FOXP1: variants seen among roughly 807,000 people sequenced by gnomAD.
The protein encoded by FOXP1 is forkhead box protein P1.
In FOXP1, 15 loss-of-function variants were observed where a neutral mutation model predicts 98.2. The ratio of observed to expected loss-of-function variants is 0.15; its 90% confidence interval spans 0.10 to 0.24. The LOEUF (loss-of-function observed/expected upper bound fraction) is 0.24, where lower values mean the gene tolerates loss of function less well. Ranked by LOEUF, FOXP1 falls within the 10% of genes least tolerant of loss-of-function variation. FOXP1 has a pLI of 1.00. For synonymous variants in FOXP1, 371 were observed against 314.5 expected (o/e 1.18, Z -1.90); for missense variants, 633 against 848.5 (o/e 0.75, Z 3.15).
intron 6 of FOXP1, among the ~76,000 whole-genome samples, chr3:71,170,047 C>T (rs2061573875): frequency 1.3e-5 from 2 of 152,082 alleles, no homozygotes; most frequent in Non-Finnish European, 2.9e-5. Flanking sequence ...GGAGCTACTC[C>T]AGATAATTAA....
chr3:71,218,704 T>C (rs1180643145), intron 5 of FOXP1, among the ~76,000 whole-genome samples: 1 of 152,198 alleles, frequency 6.6e-6, no homozygotes, highest in Admixed American at 6.5e-5. Flanking sequence ...CAAACGGGTG[T>C]GGCTGTTTTC....
chr3:71,010,633 A>G (rs558391943), intron 12 of FOXP1, among the ~76,000 whole-genome samples: 1 of 152,290 alleles, frequency 6.6e-6, no homozygotes, highest in South Asian at 2.1e-4. Flanking sequence ...AAGAATACCA[A>G]GGAGAATTCA....
chr3:71,211,220 T>C (rs1480948011), intron 5 of FOXP1, among the ~76,000 whole-genome samples: 1 of 152,184 alleles, frequency 6.6e-6, no homozygotes, highest in Non-Finnish European at 1.5e-5. Context: ...CCATTTTTAT[T>C]TTTGAGATGG....
At chr3:71,167,968 C>A (rs1476705405) in intron 6 of FOXP1, among the ~76,000 whole-genome samples, 3 of 152,118 alleles carry the variant, frequency 2.0e-5, no homozygotes, top group Non-Finnish European at 2.9e-5. Flanking sequence ...CAAACTGAGC[C>A]AGTAAACAGC....
chr3:71,397,036 GTATA>G (rs1157240943), intron 3 of FOXP1, among the ~76,000 whole-genome samples: 1 of 39,176 alleles, frequency 2.6e-5, no homozygotes. Flanking sequence ...ATATATATGT[GTATA>G]TATATATACA....
chr3:70,960,304 C>T (rs1432248326), intron 20 of FOXP1, among the ~76,000 whole-genome samples: 5 of 152,200 alleles, frequency 3.3e-5, no homozygotes, highest in East Asian at 3.9e-4. Context: ...AGAATAATAA[C>T]GCTGTCAGCT....
chr3:71,095,628 A>T (rs2056384509), intron 7 of FOXP1, among the ~76,000 whole-genome samples: 1 of 152,128 alleles, frequency 6.6e-6, no homozygotes, highest in Non-Finnish European at 1.5e-5. Flanking sequence ...CATTTTAAAT[A>T]ACATTTAGGC....
intron 11 of FOXP1, among the ~76,000 whole-genome samples, chr3:71,038,309 G>T (rs140768368): frequency 6.6e-6 from 1 of 152,318 alleles, no homozygotes; most frequent in East Asian, 1.9e-4. Flanking sequence ...GCTAACCCAC[G>T]ATCAAGGTCA....
chr3:71,476,449 G>A (rs2089851998), intron 3 of FOXP1, among the ~76,000 whole-genome samples: 1 of 151,950 alleles, frequency 6.6e-6, no homozygotes, highest in African/African-American at 2.4e-5. Context: ...ATGGAGAGGT[G>A]GTGTGCAGTT....
chr3:71,329,074 G>A (rs1229892608), intron 4 of FOXP1, among the ~76,000 whole-genome samples: 1 of 149,848 alleles, frequency 6.7e-6, no homozygotes, highest in African/African-American at 2.5e-5. Flanking sequence ...TGGCTTGGTT[G>A]CCCAGCCCTG....
At chr3:71,432,868 TA>T (rs1047638258) in intron 3 of FOXP1, among the ~76,000 whole-genome samples, 5 of 139,054 alleles carry the variant, frequency 3.6e-5, no homozygotes, top group African/African-American at 1.1e-4. Context: ...AAAAAAAAAT[TA>T]AAAAAAAAAG....
chr3:71,052,301 C>T (rs2050004073), intron 9 of FOXP1, among the ~76,000 whole-genome samples: 1 of 152,136 alleles, frequency 6.6e-6, no homozygotes, highest in Non-Finnish European at 1.5e-5. Flanking sequence ...TCAACGATGC[C>T]TCTCCTGCTC....
At position 71,388,493 on chromosome 3, in the gene FOXP1, A is replaced by G. The variant is rs9863727; in HGVS notation, c.-167-29249T>C. On this transcript the variant is annotated intron_variant, in intron 3 of 20. Transcript: ENST00000649528. ...TCAACATCAGAAAACATAAGAATTCAAAATTAACGTTAAGTACAAATTTTC... is the reference window on the plus strand; with the variant it reads ...TCAACATCAGAAAACATAAGAATTCGAAATTAACGTTAAGTACAAATTTTC... 4.6e-3 allele frequency among the ~76,000 whole-genome samples: 664 copies of G among 145,538 alleles called. 7 individuals carry two copies. The highest frequency in any genetic ancestry group is 0.016 in the African/African-American group (613 of 37,598).
intron 12 of FOXP1, among the ~76,000 whole-genome samples, chr3:71,011,539 T>C (rs1008306084): frequency 1.3e-5 from 2 of 152,172 alleles, no homozygotes; most frequent in Non-Finnish European, 2.9e-5. Context: ...AATATCAGGA[T>C]CTAGCCATGC....
intron 2 of FOXP1, 199 bp downstream of exon 2, chr3:71,581,350 G>A (rs1021248839): frequency 9.7e-5 from 96 of 985,348 alleles, no homozygotes; most frequent in Non-Finnish European, 1.0e-4. Context: ...AGGAAAGAAA[G>A]AGGGGAAAAG....
At position 70,956,185 on chromosome 3, in the gene FOXP1, C is replaced by T. The variant is rs1323044042; in HGVS notation, c.*3062G>A. The T allele has an allele frequency of 4.3e-6, 1 of 233,272 alleles. No homozygotes were observed. The highest frequency in any genetic ancestry group is 2.2e-5 in the African/African-American group (1 of 45,292). 14.5% of individuals were successfully genotyped at this position (233,272 alleles called of 1,614,324 possible). ...AACAATATCTAAAAAAAGAACCGCC[C>T]TCTGCCCTCCCCCAAAAAAGACAAA... On this transcript the variant is annotated 3_prime_UTR_variant, in exon 21 of 21. Coordinates refer to ENST00000649528, the MANE Select transcript of FOXP1 (RefSeq NM_001349338.3).
chr3:70,983,641 C>G (rs964942903), intron 14 of FOXP1, among the ~76,000 whole-genome samples: 1 of 152,116 alleles, frequency 6.6e-6, no homozygotes, highest in Non-Finnish European at 1.5e-5. Flanking sequence ...ACGTGCCCAC[C>G]AAATCTAAAA....
At position 71,264,722 on chromosome 3, in the gene FOXP1, T is replaced by C. The variant is rs139902976; in HGVS notation, c.-12+35098A>G. ...TCTCCATTCAACCATTATCACCCTG[T>C]AGTTCAGCTGGAGGTAAAGAATTAC... On this transcript the variant is annotated intron_variant, in intron 5 of 20. Transcript: ENST00000649528. Among the ~76,000 whole-genome samples the C allele has an allele frequency of 1.1e-4, 16 of 152,324 alleles. 1 individual carries two copies. In the East Asian group the frequency reaches 2.5e-3, roughly 24 times the overall value.
rs1393515842 is a variant in FOXP1, at chr3:71,570,092, T to C, written c.-298+11457A>G. 2.6e-5 allele frequency among the ~76,000 whole-genome samples: 4 copies of C among 152,190 alleles called. No homozygotes were observed. The East Asian group carries it at 5.8e-4, about 22-fold the overall frequency. On this transcript the variant is annotated intron_variant, in intron 2 of 20. Transcript: ENST00000649528. The stretch of plus-strand genomic sequence containing the variant: ...CAAAGGCGTGGCTCAGCTCTGACTG[T>C]ACCTTAGGTCTTCTGGAGCTCTGAC...
Sources: allele counts gnomAD v4.1 joint callset (sites outside exome capture counted in the v4.1 genomes callset), GRCh38; gene constraint gnomAD v4.1.1; transcripts MANE v1.5; gene names NCBI Gene and HGNC (gene_info 2026-07-23, HGNC 2026-07-21).